ADAP1: variants seen among roughly 807,000 people sequenced by gnomAD.
The protein encoded by ADAP1 is ArfGAP with dual PH domains 1.
In ADAP1, 31 loss-of-function variants were observed where a neutral mutation model predicts 54.9. That is an observed-to-expected ratio of 0.56 (90% CI 0.42 to 0.76). The LOEUF (loss-of-function observed/expected upper bound fraction) is 0.76, where lower values mean the gene tolerates loss of function less well. Among genes scored for constraint, ADAP1 ranks in the 30% least tolerant of loss-of-function variants. The probability of loss-of-function intolerance (pLI) is 0.00; values close to 1 mark genes in which losing one functional copy is unlikely to be tolerated. For missense variants in ADAP1, 535 were observed against 512.4 expected (o/e 1.04, Z -0.42); for synonymous variants, 313 against 202.6 (o/e 1.55, Z -4.63).
chr7:938,288 C>T lies in ADAP1; in HGVS notation c.83-2783G>A, dbSNP rs1026143664. 6.6e-6 allele frequency among the ~76,000 whole-genome samples: 1 copy of T among 152,174 alleles called. No individual in the cohort carries two copies. Among genetic ancestry groups the T allele is most frequent in the Admixed American group, 6.5e-5 (1 of 15,280 alleles). ...CTCCAACGCCTGGGCTCAAGCGATC[C>T]TCCTGCCTCAGCCTTCCAAGTAGCT... On this transcript the variant is annotated intron_variant, in intron 1 of 10. Coordinates refer to ENST00000265846, the MANE Select transcript of ADAP1 (RefSeq NM_006869.4). This position sits in a 1 kb window ranked among gnomAD's most constrained non-coding sequence, Gnocchi z 4.4.
chr7:907,188 C>T (rs1845503932), intron 4 of ADAP1, among the ~76,000 whole-genome samples: 1 of 152,188 alleles, frequency 6.6e-6, no homozygotes, highest in Non-Finnish European at 1.5e-5. Context: ...CACACAGCCA[C>T]AGAAAAGTAG....
At chr7:928,294 G>A (rs1273639565) in intron 2 of ADAP1, among the ~76,000 whole-genome samples, 1 of 152,126 alleles carries the variant, frequency 6.6e-6, no homozygotes, top group East Asian at 1.9e-4. Context: ...TTGAGCCCAA[G>A]AGGTCAAGGC....
chr7:936,768 G>A (rs1177423217), intron 1 of ADAP1, among the ~76,000 whole-genome samples: 1 of 152,240 alleles, frequency 6.6e-6, no homozygotes, highest in Non-Finnish European at 1.5e-5. Flanking sequence ...GGTGAGGCTG[G>A]TGGAAATCGA....
At chr7:955,238 G>T, upstream of ADAP1, 1 of 1,508,416 alleles carries the variant, frequency 6.6e-7, no homozygotes, top group Non-Finnish European at 9.0e-7. Flanking sequence ...GAGGGGCCCC[G>T]CCGGGACTTC....
intron 2 of ADAP1, among the ~76,000 whole-genome samples, chr7:932,531 C>T (rs1378905762): frequency 6.6e-6 from 1 of 152,126 alleles, no homozygotes; most frequent in Non-Finnish European, 1.5e-5. Context: ...AACTTGGAGA[C>T]GGGACACCCG....
intron 4 of ADAP1, 115 bp from the exon 5 acceptor site, chr7:905,287 GGGGACACGGACA>G (rs1334470667): frequency 1.5e-5 from 7 of 477,454 alleles, no homozygotes; most frequent in Admixed American, 3.2e-5. Flanking sequence ...GACACGGACG[GGGGACACGGACA>G]GGGGGAGACG....
intron 4 of ADAP1, among the ~76,000 whole-genome samples, chr7:913,262 G>A (rs1461971030): frequency 3.4e-5 from 5 of 145,812 alleles, no homozygotes; most frequent in South Asian, 2.2e-4. Flanking sequence ...GTTTAGTGGC[G>A]TGATCTCCAC....
In ADAP1 at chr7:929,514, CA is replaced by C. The variant is rs71020548; in HGVS notation, c.214-2871del. Among the ~76,000 whole-genome samples, 810 of 89,364 alleles carry C rather than the reference CA, an allele frequency of 9.1e-3. 2 individuals carry two copies. Among genetic ancestry groups the C allele is most frequent in the African/African-American group, 0.033 (695 of 20,856 alleles). 58.6% of individuals were successfully genotyped at this position (89,364 alleles called of 152,430 possible). On this transcript the variant is annotated intron_variant, in intron 2 of 10. Transcript: ENST00000265846. Reference sequence around the variant, plus strand: ...TGAGCAACATAGTGACACCCTGTCTCAAAAAAAAAAAAAAAAAAAAACAAGA... The same window carrying C: ...TGAGCAACATAGTGACACCCTGTCTCAAAAAAAAAAAAAAAAAAAACAAGA...
chr7:898,942 C>G lies in ADAP1; in HGVS notation c.1104G>C (p.Ala368=). 1 of 1,609,964 alleles carries G rather than the reference C, an allele frequency of 6.2e-7. No homozygotes were observed. The highest frequency in any genetic ancestry group is 8.5e-7 in the Non-Finnish European group (1 of 1,178,666). Residue 368 remains alanine (A), a synonymous_variant, in exon 11 of 11, where the codon GCG becomes GCC. Coordinates refer to ENST00000265846, the MANE Select transcript of ADAP1 (RefSeq NM_006869.4). ...CTCGCTAAGGTTTATGCTTGAAGTG[C>G]GCCTCCACTGCAACGGAACAGGGTC... ...PMLPQEYAVE[A]HFKHKP is the part of the protein sequence containing the mutation.
intron 2 of ADAP1, among the ~76,000 whole-genome samples, chr7:933,458 AGG>A (rs1562932181): frequency 1.4e-3 from 207 of 146,590 alleles, no homozygotes; most frequent in African/African-American, 4.9e-3. Context: ...ACTCCCAACC[AGG>A]GGCAGGGGTC....
intron 8 of ADAP1, 151 bp from the exon 9 acceptor site, chr7:899,641 G>GCCTCCGCACACGCCTGT: frequency 2.4e-6 from 2 of 837,238 alleles, no homozygotes; most frequent in Non-Finnish European, 3.7e-6. Flanking sequence ...GCCCCACGAG[G>GCCTCCGCACACGCCTGT]CCTCCGCACA....
rs926742896 is a variant in ADAP1 at position 900,867 on chromosome 7, AGGGCCGAAGGGCCGAAGGGCCGGGCC to A, written c.649-277_649-252del. 9.7e-5 allele frequency: 17 copies of A among 176,146 alleles called. No homozygotes were observed. In the African/African-American group the frequency reaches 1.6e-3, roughly 16 times the overall value. 10.9% of individuals were successfully genotyped at this position (176,146 alleles called of 1,614,324 possible). A position where few individuals can be genotyped will look rare whatever the true frequency, so the allele number is the denominator to read the frequency against. On this transcript the variant is annotated intron_variant, in intron 6 of 10. Transcript: ENST00000265846. ...AGCCTCCCCCGGCGAAGTCCTGAGA[AGGGCCGAAGGGCCGAAGGGCCGGGCC>A]GGGCCGGGCTGGACAGGGTCGGGGG...
chr7:899,220 C>A lies in ADAP1; in HGVS notation c.909G>T (p.Glu303Asp), dbSNP rs758979296. Residue 303 changes from glutamate to aspartate, a missense_variant, in exon 10 of 11, where the codon GAG (glutamate) becomes GAT (aspartate). Coordinates refer to ENST00000265846, the MANE Select transcript of ADAP1 (RefSeq NM_006869.4). ...ARGEVFIGSKESGYTVLHGFP... is the reference protein window; with the variant it reads ...ARGEVFIGSKDSGYTVLHGFP... Reference sequence around the variant, plus strand: ...ACCCATGCAGCACCGTGTAGCCACTCTCCTTGCTGCCAATGAAGACTTCCC... The same window carrying A: ...ACCCATGCAGCACCGTGTAGCCACTATCCTTGCTGCCAATGAAGACTTCCC... The A allele has an allele frequency of 1.2e-6, 2 of 1,612,810 alleles. No individual in the cohort carries two copies. Among genetic ancestry groups the A allele is most frequent in the Non-Finnish European group, 1.7e-6 (2 of 1,179,980 alleles).
intron 4 of ADAP1, 108 bp from the exon 5 acceptor site, chr7:905,280 ACGGACGGGGGACACGGACAGGGG>A: frequency 6.2e-6 from 2 of 321,392 alleles, no homozygotes; most frequent in Admixed American, 3.8e-5. Context: ...CACGGGGGAC[ACGGACGGGGGACACGGACAGGGG>A]GAGACGGACG....
chr7:898,910 A>T lies in ADAP1; in HGVS notation c.*11T>A. The T allele has an allele frequency of 6.3e-7, 1 of 1,598,180 alleles. No individual in the cohort carries two copies. The highest frequency in any genetic ancestry group is 8.5e-7 in the Non-Finnish European group (1 of 1,173,214). ...GTGAGTCCAATGTCCGTGGTCCTCC[A>T]GCCGCACTCGCTAAGGTTTATGCTT... On this transcript the variant is annotated 3_prime_UTR_variant, in exon 11 of 11. Transcript: ENST00000265846.
rs1562910829 is a variant in ADAP1 at position 905,177 on chromosome 7, G to GGGGGAAA, written c.389-12_389-6dup. The stretch of plus-strand genomic sequence containing the variant: ...AGAGAAAACCCTCACGGTACCCTGT[G>GGGGGAAA]GGGGAAAGGGGACACGAGTCGGTGA... On this transcript the variant is annotated splice_region_variant and splice_polypyrimidine_tract_variant and intron_variant, in intron 4 of 10. Coordinates refer to ENST00000265846, the MANE Select transcript of ADAP1 (RefSeq NM_006869.4). 16 of 1,609,792 alleles carry GGGGGAAA rather than the reference G, an allele frequency of 9.9e-6. No homozygotes were observed. The highest frequency in any genetic ancestry group is 1.3e-5 in the African/African-American group (1 of 74,758).
At chr7:928,853 G>C (rs1205690798) in intron 2 of ADAP1, among the ~76,000 whole-genome samples, 2 of 152,260 alleles carry the variant, frequency 1.3e-5, no homozygotes, top group African/African-American at 2.4e-5. Context: ...CACCGTAAGA[G>C]ACGCGAAGAC....
At chr7:900,659 A>ACAGAG in intron 6 of ADAP1, 43 bp from the exon 7 acceptor site, 1 of 1,480,542 alleles carries the variant, frequency 6.8e-7, no homozygotes, top group East Asian at 2.5e-5. Context: ...AGGAGGCTGC[A>ACAGAG]GCGCTGGGGT....
At chr7:905,270 C>CACGGGGGACACGGACGGGGGACACGG (rs1156273937) in intron 4 of ADAP1, 98 bp from the exon 5 acceptor site, 13 of 507,930 alleles carry the variant, frequency 2.6e-5, no homozygotes, top group East Asian at 1.9e-4. Flanking sequence ...GGGGAGAAGA[C>CACGGGGGACACGGACGGGGGACACGG]ACGGGGGACA....
Sources: allele counts gnomAD v4.1 joint callset (sites outside exome capture counted in the v4.1 genomes callset), GRCh38; gene constraint gnomAD v4.1.1; non-coding constraint Gnocchi (gnomAD v3.1); transcripts MANE v1.5; gene names NCBI Gene and HGNC (gene_info 2026-07-23, HGNC 2026-07-21).